The following AGBL4 variants were observed in gnomAD, a reference collection of about 807,000 sequenced individuals.
AGBL4 encodes AGBL carboxypeptidase 4.
A neutral mutation model predicts 66.4 loss-of-function variants in AGBL4; 58 were observed. The observed-to-expected ratio is 0.87, with a 90% CI of 0.71 to 1.09. The LOEUF is 1.09. Ranked by LOEUF, AGBL4 falls within the 50% of genes least tolerant of loss-of-function variation. The pLI, the probability that AGBL4 is intolerant of heterozygous loss-of-function variation, is 0.00. For synonymous variants in AGBL4, 234 were observed against 222.9 expected (o/e 1.05, Z -0.44); for missense variants, 579 against 631.0 (o/e 0.92, Z 0.88).
At chr1:49,118,201 C>G (rs926775560) in intron 4 of AGBL4, among the ~76,000 whole-genome samples, 2 of 152,082 alleles carry the variant, frequency 1.3e-5, no homozygotes, top group East Asian at 1.9e-4. Context: ...AATTGCATAC[C>G]CTTTATTTCT....
At chr1:48,787,204 C>G (rs12080598) in intron 6 of AGBL4, among the ~76,000 whole-genome samples, 86,236 of 151,866 alleles carry the variant, frequency 0.57, 25,532 homozygotes, top group Non-Finnish European at 0.65. Flanking sequence ...CTGAGTCTGA[C>G]TCTCTAGCCT....
intron 1 of AGBL4, among the ~76,000 whole-genome samples, chr1:49,908,672 A>T (rs1278958775): frequency 6.6e-6 from 1 of 152,154 alleles, no homozygotes; most frequent in Non-Finnish European, 1.5e-5. Flanking sequence ...AAGTGCCTGT[A>T]GTCCTAGCTA....
intron 6 of AGBL4, among the ~76,000 whole-genome samples, chr1:48,695,584 C>T (rs1392984685): frequency 1.2e-4 from 18 of 151,774 alleles, no homozygotes; most frequent in Non-Finnish European, 2.6e-4. Flanking sequence ...AGTTCTATTT[C>T]GGAATGGAAG....
At chr1:49,222,192 A>G (rs1649550267) in intron 4 of AGBL4, among the ~76,000 whole-genome samples, 4 of 152,146 alleles carry the variant, frequency 2.6e-5, no homozygotes, top group South Asian at 2.1e-4. Flanking sequence ...TGTATGTACT[A>G]TAATTTTATG....
intron 3 of AGBL4, among the ~76,000 whole-genome samples, chr1:49,250,630 G>A (rs1032978820): frequency 3.9e-5 from 6 of 151,952 alleles, no homozygotes; most frequent in African/African-American, 1.5e-4. Flanking sequence ...TTTTAGTAGA[G>A]ACAGGGTTTC....
intron 3 of AGBL4, among the ~76,000 whole-genome samples, chr1:49,372,525 C>A (rs1644367862): frequency 6.6e-6 from 1 of 152,094 alleles, no homozygotes; most frequent in South Asian, 2.1e-4. Context: ...TTCTATTTTC[C>A]CTGCTACTGA....
chr1:49,665,891 G>C (rs1034728765), intron 3 of AGBL4, among the ~76,000 whole-genome samples: 3 of 148,192 alleles, frequency 2.0e-5, no homozygotes, highest in African/African-American at 7.4e-5. Context: ...GCCTACAGTA[G>C]TCAATAAAAT....
chr1:48,750,443 C>T (rs948536317), intron 6 of AGBL4, among the ~76,000 whole-genome samples: 3 of 152,164 alleles, frequency 2.0e-5, no homozygotes, highest in African/African-American at 7.2e-5. Flanking sequence ...AGTTCCTTAA[C>T]TTGGGGCCTC....
At chr1:49,277,620 T>C (rs1027630886) in intron 3 of AGBL4, among the ~76,000 whole-genome samples, 16 of 152,212 alleles carry the variant, frequency 1.1e-4, no homozygotes, top group African/African-American at 3.6e-4. Flanking sequence ...GAAAATACTC[T>C]TCTTAGGTTT....
chr1:48,648,615 T>C (rs1186868252), intron 8 of AGBL4, among the ~76,000 whole-genome samples: 1 of 152,232 alleles, frequency 6.6e-6, no homozygotes, highest in Non-Finnish European at 1.5e-5. Context: ...GGCGAGTCCC[T>C]GGATGTACCC....
At chr1:49,781,926 A>C (rs1644346999) in intron 2 of AGBL4, among the ~76,000 whole-genome samples, 1 of 152,144 alleles carries the variant, frequency 6.6e-6, no homozygotes, top group Admixed American at 6.5e-5. Context: ...GGAAATTAGA[A>C]AATACTTTGA....
chr1:49,983,721 G>C (rs1031932770), intron 1 of AGBL4, among the ~76,000 whole-genome samples: 2 of 152,062 alleles, frequency 1.3e-5, no homozygotes, highest in Admixed American at 1.3e-4. Flanking sequence ...ACATTTTTTT[G>C]ATTTTTTTCA....
intron 3 of AGBL4, among the ~76,000 whole-genome samples, chr1:49,663,305 G>T (rs1646304837): frequency 6.6e-6 from 1 of 152,126 alleles, no homozygotes; most frequent in African/African-American, 2.4e-5. Context: ...CTCCTATACT[G>T]ACATGTTGCT....
At chr1:48,680,427 A>C (rs1021327395) in intron 6 of AGBL4, among the ~76,000 whole-genome samples, 7 of 152,104 alleles carry the variant, frequency 4.6e-5, no homozygotes, top group African/African-American at 1.7e-4. Flanking sequence ...AGGTTCATAG[A>C]TGAGAGCAAT....
chr1:48,947,340 A>G (rs1306919780), intron 5 of AGBL4, among the ~76,000 whole-genome samples: 3 of 152,230 alleles, frequency 2.0e-5, no homozygotes, highest in Admixed American at 6.5e-5. Context: ...CTCTTATCCA[A>G]TGTTTTATCT....
chr1:49,865,975 A>G (rs1266907452), intron 1 of AGBL4: 1 of 372,758 alleles, frequency 2.7e-6, no homozygotes, highest in Non-Finnish European at 5.5e-6. Context: ...ACAAGTATCA[A>G]CAACCTAACA....
intron 3 of AGBL4, among the ~76,000 whole-genome samples, chr1:49,281,460 G>C (rs745762956): frequency 6.6e-6 from 1 of 152,190 alleles, no homozygotes; most frequent in African/African-American, 2.4e-5. Context: ...AGTGCTAAAG[G>C]AGGATGCAGT....
intron 3 of AGBL4, among the ~76,000 whole-genome samples, chr1:49,382,483 G>A (rs1297069919): frequency 1.3e-5 from 2 of 151,620 alleles, no homozygotes; most frequent in African/African-American, 2.4e-5. Flanking sequence ...GAAAAAAAAA[G>A]TCAACAAACT....
At chr1:49,404,400 C>T (rs1485736231) in intron 3 of AGBL4, among the ~76,000 whole-genome samples, 1 of 152,132 alleles carries the variant, frequency 6.6e-6, no homozygotes, top group Non-Finnish European at 1.5e-5. Context: ...ATCATGGACT[C>T]CTAGCTTCTG....
Sources: gnomAD v4.1 joint callset for allele counts (sites outside exome capture counted in the v4.1 genomes callset) on GRCh38, gnomAD v4.1.1 for gene constraint, MANE v1.5 for transcripts, NCBI Gene and HGNC (gene_info 2026-07-23, HGNC 2026-07-21) for gene names.